Variants in TTLL5 observed in about 807,000 individuals in gnomAD.
TTLL5 encodes tubulin tyrosine ligase like 5.
Under a neutral mutation model 168.4 loss-of-function variants are expected in TTLL5, and 132 were observed. The ratio of observed to expected loss-of-function variants is 0.78; its 90% CI spans 0.68 to 0.91. The LOEUF is 0.91. Among genes scored for constraint, TTLL5 ranks in the 40% least tolerant of loss-of-function variants. The pLI, the probability that TTLL5 is intolerant of heterozygous loss-of-function variation, is 0.00. For synonymous variants in TTLL5, 546 were observed against 558.6 expected (o/e 0.98, Z 0.32); for missense variants, 1,545 against 1,581.5 (o/e 0.98, Z 0.39).
chr14:75,809,966 G>A (rs1893895403), intron 27 of TTLL5, among the ~76,000 whole-genome samples: 1 of 151,908 alleles, frequency 6.6e-6, no homozygotes, highest in South Asian at 2.1e-4. Flanking sequence ...CCATTCATCC[G>A]TTGATGGACA....
At chr14:75,927,262 A>G (rs1367730431) in intron 31 of TTLL5, among the ~76,000 whole-genome samples, 1 of 152,220 alleles carries the variant, frequency 6.6e-6, no homozygotes, top group Non-Finnish European at 1.5e-5. Context: ...CAATCCAATT[A>G]TACTATTTTA....
chr14:75,902,711 G>T, intron 31 of TTLL5: 1 of 432,750 alleles, frequency 2.3e-6, no homozygotes, highest in South Asian at 1.7e-5. Context: ...CTGTGGACAG[G>T]TTGTTACTGA....
chr14:75,943,982 G>A lies in TTLL5; in HGVS notation c.3824-10442G>A, dbSNP rs766742010. Among the ~76,000 whole-genome samples, 8 of 152,286 alleles carry A rather than the reference G, an allele frequency of 5.3e-5. 2 individuals carry two copies. In the South Asian group the frequency reaches 1.7e-3, roughly 32 times the overall value. Reference sequence around the variant, plus strand: ...GAGAGCTTTAATGAACTCAAAGATGGATTTAAAGAAATGATCTGGGCACTT... The same window carrying A: ...GAGAGCTTTAATGAACTCAAAGATGAATTTAAAGAAATGATCTGGGCACTT... On this transcript the variant is annotated intron_variant, in intron 31 of 31. Transcript: ENST00000298832.
chr14:75,869,226 G>A (rs1483714488), intron 29 of TTLL5, among the ~76,000 whole-genome samples: 1 of 151,854 alleles, frequency 6.6e-6, no homozygotes, highest in Admixed American at 6.6e-5. Flanking sequence ...ATTTTCCTAG[G>A]ACCACTTGAT....
intron 26 of TTLL5, among the ~76,000 whole-genome samples, chr14:75,790,022 T>C (rs1023062745): frequency 6.6e-6 from 1 of 152,008 alleles, no homozygotes; most frequent in Admixed American, 6.5e-5. Context: ...TGGAACAGAA[T>C]AGAAAGTTAG....
chr14:75,787,061 A>T (rs945755979), intron 26 of TTLL5, among the ~76,000 whole-genome samples: 1 of 152,140 alleles, frequency 6.6e-6, no homozygotes, highest in Non-Finnish European at 1.5e-5. Flanking sequence ...TGAACCCGGG[A>T]GGCAGAGGTT....
intron 28 of TTLL5, among the ~76,000 whole-genome samples, chr14:75,840,205 T>G (rs1203515232): frequency 6.6e-6 from 1 of 152,256 alleles, no homozygotes; most frequent in African/African-American, 2.4e-5. Flanking sequence ...ATAGCTTTTA[T>G]GCTTGTGTCT....
At chr14:75,706,860 A>T (rs1200904791) in intron 7 of TTLL5, among the ~76,000 whole-genome samples, 158 bp from the exon 8 acceptor site, 4 of 152,066 alleles carry the variant, frequency 2.6e-5, no homozygotes, top group African/African-American at 9.7e-5. Flanking sequence ...GTGATATTAT[A>T]TGGCCAACTG....
intron 27 of TTLL5, among the ~76,000 whole-genome samples, chr14:75,807,418 G>A (rs1193680535): frequency 6.6e-6 from 1 of 152,192 alleles, no homozygotes; most frequent in African/African-American, 2.4e-5. Flanking sequence ...TCCAACCTCG[G>A]CTACAAAGTA....
intron 25 of TTLL5, 49 bp from the exon 26 acceptor site, chr14:75,783,098 A>G (rs756296230): frequency 6.6e-7 from 1 of 1,513,062 alleles, no homozygotes; most frequent in Non-Finnish European, 8.9e-7. Context: ...TAGAGATTGT[A>G]TGTTTGTTTT....
chr14:75,840,089 TTTG>T (rs1211903103), intron 28 of TTLL5, among the ~76,000 whole-genome samples: 2 of 152,162 alleles, frequency 1.3e-5, no homozygotes, highest in East Asian at 1.9e-4. Context: ...ATTTGTCTAT[TTTG>T]TTGTTGTTGT....
intron 28 of TTLL5, among the ~76,000 whole-genome samples, chr14:75,836,701 TG>T (rs1895887819): frequency 1.3e-5 from 2 of 151,730 alleles, no homozygotes; most frequent in South Asian, 4.2e-4. Flanking sequence ...TGCAAAAAAA[TG>T]AAAAATAAAA....
intron 2 of TTLL5, 82 bp downstream of exon 2, chr14:75,663,305 T>G: frequency 7.7e-7 from 1 of 1,302,674 alleles, no homozygotes; most frequent in Non-Finnish European, 1.1e-6. Context: ...TACTATATAC[T>G]CTTCTCTTTT....
intron 15 of TTLL5, among the ~76,000 whole-genome samples, chr14:75,736,681 T>C (rs952458706): frequency 6.6e-6 from 1 of 152,194 alleles, no homozygotes. Context: ...AACAATACTT[T>C]GCAGGCCAAG....
At chr14:75,839,897 A>G (rs1306951535) in intron 28 of TTLL5, among the ~76,000 whole-genome samples, 2 of 152,122 alleles carry the variant, frequency 1.3e-5, no homozygotes, top group African/African-American at 2.4e-5. Flanking sequence ...TTTTTTGGCA[A>G]TTTATTAATC....
At chr14:75,952,385 A>C (rs1378375113) in intron 31 of TTLL5, among the ~76,000 whole-genome samples, 5 of 152,196 alleles carry the variant, frequency 3.3e-5, no homozygotes, top group Non-Finnish European at 7.3e-5. Context: ...TGGAAAAGAG[A>C]CATTGGAACC....
chr14:75,723,778 C>G (rs934314375), intron 12 of TTLL5, among the ~76,000 whole-genome samples: 1 of 152,124 alleles, frequency 6.6e-6, no homozygotes, highest in African/African-American at 2.4e-5. Context: ...CTTTCTTCCT[C>G]CCTACTTGTG....
intron 18 of TTLL5, among the ~76,000 whole-genome samples, chr14:75,757,509 A>G (rs917619857): frequency 6.6e-5 from 10 of 152,208 alleles, no homozygotes; most frequent in Non-Finnish European, 8.8e-5. Flanking sequence ...GGAGCGAATT[A>G]ACAACCTTCT....
chr14:75,858,527 G>T (rs969907334), intron 28 of TTLL5, among the ~76,000 whole-genome samples: 10 of 152,226 alleles, frequency 6.6e-5, no homozygotes, highest in African/African-American at 2.4e-4. Context: ...CCCTGAACTT[G>T]AAAGAGCATC....
Sources: gnomAD v4.1 joint callset for allele counts (sites outside exome capture counted in the v4.1 genomes callset) on GRCh38, gnomAD v4.1.1 for gene constraint, MANE v1.5 for transcripts, NCBI Gene and HGNC (gene_info 2026-07-23, HGNC 2026-07-21) for gene names.